TNMD: variants seen among roughly 807,000 people sequenced by gnomAD.
TNMD encodes the protein BRICHOS domain containing 4.
Under a neutral mutation model 26.9 loss-of-function variants are expected in TNMD, and 15 were observed. The observed-to-expected ratio is 0.56, with a 90% confidence interval of 0.37 to 0.86. The LOEUF is 0.86. Among genes scored for constraint, TNMD ranks in the 40% least tolerant of loss-of-function variants. The probability of loss-of-function intolerance (pLI) is 0.00; values close to 1 mark genes in which losing one functional copy is unlikely to be tolerated. For synonymous variants in TNMD, 73 were observed against 77.0 expected (o/e 0.95, Z 0.27); for missense variants, 222 against 242.6 (o/e 0.92, Z 0.56).
chrX:100,593,608 A>C, intron 2 of TNMD: 2 of 198,707 alleles, frequency 1.0e-5, no homozygotes, highest in Non-Finnish European at 1.7e-5. Flanking sequence ...ATTACTTAGC[A>C]CTTGGAAAGG....
chrX:100,585,033 T>G lies in TNMD; in HGVS notation c.15T>G (p.Pro5=), dbSNP rs761522235. MAKN[P]PENCEDCHIL... The stretch of plus-strand genomic sequence containing the variant: ...GCTGAGAGACCATGGCAAAGAATCC[T>G]CCAGAGAATTGTGAAGACTGTCACA... The change falls in exon 1 of 7, where the codon CCT becomes CCG. Residue 5 remains proline (P), a synonymous_variant. Transcript: ENST00000373031. The G allele has an allele frequency of 2.1e-5, 25 of 1,208,864 alleles. No homozygotes were observed. Among genetic ancestry groups the G allele is most frequent in the Non-Finnish European group, 2.5e-5 (22 of 894,540 alleles).
Position 100,585,310 on chromosome X carries a change from T to C in TNMD, c.128T>C (p.Leu43Pro), listed in dbSNP as rs1226130652. 1.7e-6 allele frequency: 2 copies of C among 1,211,263 alleles called. No homozygotes were observed. The highest frequency in any genetic ancestry group is 2.2e-6 in the Non-Finnish European group (2 of 895,031). Residue 43 changes from leucine (L) to proline (P), a missense_variant, in exon 2 of 7, where the codon CTA becomes CCA. Transcript: ENST00000373031. ...GLVFGILALT[L>P]IVLFWGSKHF... ...GTGTTTGGTATCCTGGCCCTAACTC[T>C]AATTGTCCTGTTTTGGGGGAGCAAG...
In TNMD at chrX:100,595,613, T is replaced by C. The variant is rs180729096; in HGVS notation, c.423+1251T>C. The stretch of plus-strand genomic sequence containing the variant: ...GGCGGTGGGTGGGGAGGACTATTTT[T>C]CTTTCCCTTACCCAAGTCTTAGAGC... On this transcript the variant is annotated intron_variant, in intron 4 of 6. Coordinates refer to ENST00000373031, the MANE Select transcript of TNMD (RefSeq NM_022144.3). Among the ~76,000 whole-genome samples the C allele has an allele frequency of 7.3e-3, 809 of 110,254 alleles. 3 individuals are homozygous for C. The highest frequency in any genetic ancestry group is 0.015 in the South Asian group (38 of 2,489).
intron 2 of TNMD, among the ~76,000 whole-genome samples, chrX:100,593,040 T>C (rs1027979741): frequency 8.9e-5 from 10 of 112,232 alleles, no homozygotes; most frequent in African/African-American, 2.9e-4. Context: ...CTATAAGTTA[T>C]GGGCTTACTC....
chrX:100,596,499 C>T (rs1332672246), intron 4 of TNMD, among the ~76,000 whole-genome samples: 3 of 111,063 alleles, frequency 2.7e-5, no homozygotes, highest in Non-Finnish European at 3.8e-5. Flanking sequence ...TTTATATTCA[C>T]GCCACAGATT....
intron 2 of TNMD, among the ~76,000 whole-genome samples, chrX:100,585,569 T>C (rs1446810392): frequency 8.9e-6 from 1 of 111,892 alleles, no homozygotes; most frequent in East Asian, 2.8e-4. Flanking sequence ...TTCTATATTT[T>C]GGTTAGTAAT....
chrX:100,594,320 A>G lies in TNMD; in HGVS notation c.381A>G (p.Lys127=), dbSNP rs1328686301. Residue 127 remains lysine, a synonymous_variant, in exon 4 of 7, where the codon AAA becomes AAG. Transcript: ENST00000373031. The part of the protein sequence containing the change: ...LQKCFIKTQI[K]VIPEFSEPEE... ...AATGTTTTATCAAAACTCAGATTAAAGTGATTCCTGAATTTTCTGAACCAG... is the reference window on the plus strand; with the variant it reads ...AATGTTTTATCAAAACTCAGATTAAGGTGATTCCTGAATTTTCTGAACCAG... 8.3e-7 allele frequency: 1 copy of G among 1,199,885 alleles called. No individual in the cohort carries two copies. The highest frequency in any genetic ancestry group is 2.2e-5 in the Admixed American group (1 of 45,385).
chrX:100,598,123 G>C (rs1191905259), intron 5 of TNMD, among the ~76,000 whole-genome samples: 1 of 111,816 alleles, frequency 8.9e-6, no homozygotes, highest in East Asian at 2.8e-4. Context: ...TGCTGTTTTA[G>C]GAATTACTAT....
chrX:100,593,082 C>T (rs1219203414), intron 2 of TNMD, among the ~76,000 whole-genome samples: 1 of 112,003 alleles, frequency 8.9e-6, no homozygotes, highest in Non-Finnish European at 1.9e-5. Context: ...GACTGGTCCT[C>T]TTGGTCTTTA....
rs2082918713 is a variant in TNMD at position 100,585,257 on chromosome X, A to C, written c.75A>C (p.Ile25=). 8.3e-7 allele frequency: 1 copy of C among 1,208,447 alleles called. No individual in the cohort carries two copies. The highest frequency in any genetic ancestry group is 1.8e-5 in the South Asian group (1 of 56,737). Reference sequence around the variant, plus strand: ...CAGAAGCTTTTAAATCCAAGAAAATATGTAAATCACTTAAGATTTGTGGAC... The same window carrying C: ...CAGAAGCTTTTAAATCCAAGAAAATCTGTAAATCACTTAAGATTTGTGGAC... ...LNAEAFKSKK[I]CKSLKICGLV... The change falls in exon 2 of 7, where the codon ATA becomes ATC. Residue 25 remains isoleucine, a synonymous_variant. Coordinates refer to ENST00000373031, the MANE Select transcript of TNMD (RefSeq NM_022144.3).
intron 4 of TNMD, among the ~76,000 whole-genome samples, chrX:100,595,935 G>A (rs765682139): frequency 8.9e-6 from 1 of 112,490 alleles, no homozygotes; most frequent in Non-Finnish European, 1.9e-5. Context: ...AATAACATAT[G>A]CTGATTACAT....
At position 100,594,295 on chromosome X, in the gene TNMD, A is replaced by C; in HGVS notation, c.356A>C (p.Lys119Thr). ...GGCATCTACTTCGTGGGTCTTCAAA[A>C]ATGTTTTATCAAAACTCAGATTAAA... Reference protein sequence around the residue: ...YTGIYFVGLQKCFIKTQIKVI... With the variant: ...YTGIYFVGLQTCFIKTQIKVI... Residue 119 changes from lysine to threonine, a missense_variant, in exon 4 of 7, where the codon AAA (lysine) becomes ACA (threonine). Coordinates refer to ENST00000373031, the MANE Select transcript of TNMD (RefSeq NM_022144.3). 8.3e-7 allele frequency: 1 copy of C among 1,201,975 alleles called. No individual in the cohort carries two copies. Among genetic ancestry groups the C allele is most frequent in the Non-Finnish European group, 1.1e-6 (1 of 889,556 alleles).
intron 2 of TNMD, chrX:100,593,387 A>C (rs950111393): frequency 1.3e-6 from 1 of 750,945 alleles, no homozygotes; most frequent in Non-Finnish European, 1.6e-6. Context: ...GGGCAAAAGG[A>C]AGCAAACAGA....
chrX:100,597,708 G>T (rs1450189650), intron 5 of TNMD, 51 bp downstream of exon 5: 5 of 1,111,363 alleles, frequency 4.5e-6, no homozygotes, highest in Non-Finnish European at 6.2e-6. Context: ...ACAGTAACAG[G>T]TTAATGTTCC....
chrX:100,597,673 C>T lies in TNMD; in HGVS notation c.577+16C>T. Reference sequence around the variant, plus strand: ...CTAATATCAGGTATGACATTCTTATCCTCATCCTCCTCCTATTTTCTAAGA... The same window carrying T: ...CTAATATCAGGTATGACATTCTTATTCTCATCCTCCTCCTATTTTCTAAGA... On this transcript the variant is annotated intron_variant, in intron 5 of 6. Coordinates refer to ENST00000373031, the MANE Select transcript of TNMD (RefSeq NM_022144.3). 1.7e-6 allele frequency: 2 copies of T among 1,184,914 alleles called. No individual in the cohort carries two copies. Among genetic ancestry groups the T allele is most frequent in the Non-Finnish European group, 2.3e-6 (2 of 871,517 alleles).
intron 2 of TNMD, among the ~76,000 whole-genome samples, chrX:100,591,390 C>T (rs2082937158): frequency 8.9e-6 from 1 of 111,835 alleles, no homozygotes; most frequent in Non-Finnish European, 1.9e-5. Flanking sequence ...CCTTCAACCC[C>T]TGAGCCAGGA....
At chrX:100,593,785 T>A in intron 2 of TNMD, 110 bp from the exon 3 acceptor site, 5 of 842,560 alleles carry the variant, frequency 5.9e-6, no homozygotes, top group Non-Finnish European at 8.2e-6. Context: ...TTGGCTTGAA[T>A]TCAAAATACC....
chrX:100,594,480 G>C, intron 4 of TNMD, 118 bp downstream of exon 4: 1 of 410,870 alleles, frequency 2.4e-6, no homozygotes, highest in Non-Finnish European at 3.9e-6. Flanking sequence ...CTTATAAATA[G>C]ATACTATTGT....
Position 100,595,435 on chromosome X carries a change from T to A in TNMD, c.423+1073T>A, listed in dbSNP as rs1475487155. On this transcript the variant is annotated intron_variant, in intron 4 of 6. Transcript: ENST00000373031. ...CAGCCATGGCAGAGTGATCTTTCTA[T>A]AAACTATAAAAACCTCTTTCTTTCT... Among the ~76,000 whole-genome samples, 5 of 101,022 alleles carry A rather than the reference T, an allele frequency of 4.9e-5. No individual in the cohort carries two copies. In the Admixed American group the frequency reaches 5.5e-4, roughly 11 times the overall value. 87.7% of individuals were successfully genotyped at this position (101,022 alleles called of 115,157 possible). A position where few individuals can be genotyped will look rare whatever the true frequency, so the allele number is the denominator to read the frequency against.
Sources: gnomAD v4.1 joint callset for allele counts (sites outside exome capture counted in the v4.1 genomes callset) on GRCh38, gnomAD v4.1.1 for gene constraint, MANE v1.5 for transcripts, NCBI Gene and HGNC (gene_info 2026-07-23, HGNC 2026-07-21) for gene names.